SEC31A: variants seen among roughly 807,000 people sequenced by gnomAD.
The protein encoded by SEC31A is protein transport protein Sec31A.
In SEC31A, 70 loss-of-function variants were observed where a neutral mutation model predicts 151.0. The observed-to-expected ratio is 0.46, with a 90% CI of 0.38 to 0.57. The LOEUF is 0.57. SEC31A is among the 20% of genes least tolerant of loss of function. The pLI, the probability that SEC31A is intolerant of heterozygous loss-of-function variation, is 0.00. For synonymous variants in SEC31A, 475 were observed against 505.9 expected (o/e 0.94, Z 0.82); for missense variants, 1,330 against 1,471.2 (o/e 0.90, Z 1.57).
intron 12 of SEC31A, chr4:82,863,112 C>T: frequency 2.1e-6 from 1 of 483,468 alleles, no homozygotes; most frequent in Non-Finnish European, 3.6e-6. Flanking sequence ...GTTACATAGT[C>T]ATTTATCAAT....
upstream of SEC31A, chr4:82,895,782 G>A (rs1025063318): frequency 4.6e-5 from 7 of 152,064 alleles, no homozygotes; most frequent in Non-Finnish European, 8.8e-5. Flanking sequence ...TTCCTAAAAC[G>A]AAAAACATTC....
At chr4:82,854,494 C>T (rs1732188893) in intron 17 of SEC31A, among the ~76,000 whole-genome samples, 1 of 151,634 alleles carries the variant, frequency 6.6e-6, no homozygotes, top group Non-Finnish European at 1.5e-5. Flanking sequence ...ATTCCTTGGC[C>T]ACCAGTTTAG....
intron 16 of SEC31A, among the ~76,000 whole-genome samples, chr4:82,855,356 A>G (rs988275234): frequency 4.6e-5 from 7 of 152,216 alleles, no homozygotes; most frequent in Admixed American, 6.5e-5. Context: ...TCTGAAGGAC[A>G]AGCAGGAATT....
At chr4:82,859,364 G>T (rs925194588) in intron 14 of SEC31A, among the ~76,000 whole-genome samples, 1 of 152,114 alleles carries the variant, frequency 6.6e-6, no homozygotes, top group Non-Finnish European at 1.5e-5. Context: ...GGGGCATTTT[G>T]CTGGCAAATA....
intron 20 of SEC31A, 139 bp from the exon 21 acceptor site, chr4:82,844,648 T>A: frequency 1.2e-6 from 1 of 827,210 alleles, no homozygotes. Flanking sequence ...GCATTTTGCA[T>A]ATTCTATCTT....
intron 3 of SEC31A, among the ~76,000 whole-genome samples, chr4:82,898,708 C>T (rs1720165082): frequency 6.6e-6 from 1 of 152,178 alleles, no homozygotes; most frequent in Non-Finnish European, 1.5e-5. Context: ...AAGGCAAACA[C>T]CACGATGAGA....
chr4:82,879,371 G>GAAAA (rs10629800), intron 3 of SEC31A, among the ~76,000 whole-genome samples: 1 of 143,580 alleles, frequency 7.0e-6, no homozygotes, highest in Non-Finnish European at 1.5e-5. Flanking sequence ...ACCTTTGTCT[G>GAAAA]AAAAAAAAAA....
At chr4:82,838,982 AATT>A (rs1332433927) in intron 22 of SEC31A, among the ~76,000 whole-genome samples, 3 of 152,076 alleles carry the variant, frequency 2.0e-5, no homozygotes, top group African/African-American at 7.2e-5. Flanking sequence ...TTTTGTTTAT[AATT>A]ATTATTTTTT....
chr4:82,866,241 C>T (rs553219709), intron 10 of SEC31A, among the ~76,000 whole-genome samples: 1 of 152,050 alleles, frequency 6.6e-6, no homozygotes, highest in East Asian at 1.9e-4. Flanking sequence ...GAGGCCGAAG[C>T]GGGTGGATCA....
chr4:82,830,031 G>A (rs936549748), intron 22 of SEC31A, among the ~76,000 whole-genome samples: 34 of 152,074 alleles, frequency 2.2e-4, no homozygotes, highest in Admixed American at 1.6e-3. Context: ...TCCAATAAAC[G>A]TTCTTTCAAT....
chr4:82,875,046 GC>G (rs1490025491), intron 5 of SEC31A, among the ~76,000 whole-genome samples: 1 of 152,162 alleles, frequency 6.6e-6, no homozygotes, highest in Admixed American at 6.6e-5. Flanking sequence ...CTTTGCAACT[GC>G]TGCAAGGTAG....
At chr4:82,890,053 C>A (rs1419868756) in intron 1 of SEC31A, among the ~76,000 whole-genome samples, 5 of 151,952 alleles carry the variant, frequency 3.3e-5, no homozygotes, top group African/African-American at 7.3e-5. Context: ...CAGCGTGAAA[C>A]CCCGTCTCTA....
chr4:82,887,187 T>G (rs1469190602), intron 1 of SEC31A, among the ~76,000 whole-genome samples: 1 of 152,104 alleles, frequency 6.6e-6, no homozygotes. Flanking sequence ...GCTGTATTAT[T>G]AAAAAAATGG....
intron 22 of SEC31A, among the ~76,000 whole-genome samples, chr4:82,838,424 C>A (rs1010695614): frequency 3.3e-5 from 5 of 152,082 alleles, no homozygotes; most frequent in African/African-American, 1.2e-4. Context: ...AACGGCAATG[C>A]ACTATCCCAA....
chr4:82,847,428 A>G (rs1301163290), intron 20 of SEC31A, among the ~76,000 whole-genome samples: 1 of 152,274 alleles, frequency 6.6e-6, no homozygotes, highest in African/African-American at 2.4e-5. Flanking sequence ...AAATCAAAGT[A>G]TAACAAATCT....
intron 24 of SEC31A, among the ~76,000 whole-genome samples, 194 bp from the exon 25 acceptor site, chr4:82,824,868 G>A (rs1053163318): frequency 2.6e-5 from 4 of 152,170 alleles, no homozygotes; most frequent in Non-Finnish European, 4.4e-5. Flanking sequence ...AAGTGTAGGC[G>A]CTCTTCCTAC....
rs201956000 is a variant in SEC31A, at chr4:82,827,494, G to A, written c.3166C>T (p.His1056Tyr). 7.1e-5 allele frequency: 115 copies of A among 1,614,118 alleles called. No individual in the cohort carries two copies. The East Asian group carries it at 1.2e-3, about 17-fold the overall frequency. Residue 1056 changes from histidine (H) to tyrosine (Y), a missense_variant, in exon 24 of 27, where the codon CAT becomes TAT. Coordinates refer to ENST00000395310, the MANE Select transcript of SEC31A (RefSeq NM_001077207.4). ...LSSQSSFPQP[H>Y]LPGGQPFHGV... Reference sequence around the variant, plus strand: ...TGGAAGGGCTGGCCACCTGGAAGATGTGGCTGTGGGAATGAAGACTGGCTT... The same window carrying A: ...TGGAAGGGCTGGCCACCTGGAAGATATGGCTGTGGGAATGAAGACTGGCTT...
chr4:82,819,026 T>C lies in SEC31A; in HGVS notation c.*48A>G. The C allele has an allele frequency of 1.3e-6, 2 of 1,513,964 alleles. No individual in the cohort carries two copies. Among genetic ancestry groups the C allele is most frequent in the Admixed American group, 4.3e-5 (2 of 46,526 alleles). The allele number at this position is 1,513,964 out of a possible 1,614,324, so 93.8% of individuals were successfully genotyped here. On this transcript the variant is annotated 3_prime_UTR_variant, in exon 27 of 27. Transcript: ENST00000395310. ...TGTCTTATAATTTTTTTTTTTAACA[T>C]GTTTCTTTGGAAAAATGGCAATATT...
chr4:82,871,475 G>A (rs772092582), intron 7 of SEC31A: 85 of 1,221,866 alleles, frequency 7.0e-5, no homozygotes, highest in Non-Finnish European at 9.6e-5. Flanking sequence ...TAGACTAACT[G>A]ATAACTGACA....
Sources: gnomAD v4.1 joint callset for allele counts (sites outside exome capture counted in the v4.1 genomes callset) on GRCh38, gnomAD v4.1.1 for gene constraint, MANE v1.5 for transcripts, NCBI Gene and HGNC (gene_info 2026-07-23, HGNC 2026-07-21) for gene names.